The following L3MBTL4 variants were observed in gnomAD, a reference collection of about 807,000 sequenced individuals.
The protein encoded by L3MBTL4 is lethal(3)malignant brain tumor-like protein 4.
In L3MBTL4, 70 loss-of-function variants were observed where a neutral mutation model predicts 84.5. The observed-to-expected ratio is 0.83, with a 90% CI of 0.68 to 1.01. The LOEUF (loss-of-function observed/expected upper bound fraction) is 1.01, where lower values mean the gene tolerates loss of function less well. Ranked by LOEUF, L3MBTL4 falls within the 50% of genes least tolerant of loss-of-function variation. The probability of loss-of-function intolerance (pLI) is 0.00; values close to 1 mark genes in which losing one functional copy is unlikely to be tolerated. For synonymous variants in L3MBTL4, 274 were observed against 259.8 expected (o/e 1.05, Z -0.52); for missense variants, 715 against 754.8 (o/e 0.95, Z 0.62).
intron 5 of L3MBTL4, among the ~76,000 whole-genome samples, chr18:6,250,431 G>T (rs1469628392): frequency 2.6e-5 from 4 of 152,172 alleles, no homozygotes; most frequent in Non-Finnish European, 5.9e-5. Context: ...GCTTTGTCAT[G>T]ATTATTTTGT....
At chr18:6,351,642 C>T (rs2053195987) in intron 1 of L3MBTL4, among the ~76,000 whole-genome samples, 1 of 152,098 alleles carries the variant, frequency 6.6e-6, no homozygotes, top group Non-Finnish European at 1.5e-5. Flanking sequence ...AGCTCCGCCT[C>T]CCGGGTTCAC....
At chr18:6,018,542 T>C (rs1386046971) in intron 16 of L3MBTL4, among the ~76,000 whole-genome samples, 1 of 152,198 alleles carries the variant, frequency 6.6e-6, no homozygotes, top group Non-Finnish European at 1.5e-5. Flanking sequence ...TGGCATCAGC[T>C]ACATCCAGAA....
chr18:6,043,982 T>C (rs2056511521), intron 16 of L3MBTL4, among the ~76,000 whole-genome samples: 1 of 152,186 alleles, frequency 6.6e-6, no homozygotes, highest in Admixed American at 6.5e-5. Flanking sequence ...GAAATTCAGT[T>C]TTGCACACAG....
intron 16 of L3MBTL4, among the ~76,000 whole-genome samples, chr18:6,011,320 A>C (rs2054725672): frequency 6.6e-6 from 1 of 152,218 alleles, no homozygotes; most frequent in Admixed American, 6.5e-5. Flanking sequence ...AAACAATAAA[A>C]AAAAAGGATC....
intron 12 of L3MBTL4, among the ~76,000 whole-genome samples, chr18:6,195,059 G>T (rs996841174): frequency 6.6e-6 from 1 of 152,184 alleles, no homozygotes; most frequent in Non-Finnish European, 1.5e-5. Context: ...GCCCATAAGT[G>T]TAAAGTTTCT....
intron 16 of L3MBTL4, among the ~76,000 whole-genome samples, chr18:6,024,146 G>A (rs1446347619): frequency 6.6e-6 from 1 of 152,132 alleles, no homozygotes; most frequent in Non-Finnish European, 1.5e-5. Flanking sequence ...CAAAGTGCTG[G>A]GATTACAGGT....
intron 18 of L3MBTL4, among the ~76,000 whole-genome samples, chr18:5,959,020 CG>C (rs2095248751): frequency 6.6e-6 from 1 of 152,178 alleles, no homozygotes; most frequent in Non-Finnish European, 1.5e-5. Flanking sequence ...CAGAGCCAGG[CG>C]AACCCCACAG....
intron 1 of L3MBTL4, among the ~76,000 whole-genome samples, chr18:6,398,830 C>T (rs185878459): frequency 5.3e-5 from 8 of 152,188 alleles, no homozygotes; most frequent in Non-Finnish European, 8.8e-5. Flanking sequence ...AAGACATGCG[C>T]CCCAGGCACC....
At chr18:6,208,344 A>G (rs192045923) in intron 12 of L3MBTL4, among the ~76,000 whole-genome samples, 22 of 152,302 alleles carry the variant, frequency 1.4e-4, no homozygotes, top group African/African-American at 5.3e-4. Context: ...TTCTAGTTAC[A>G]TAACTAGACA....
chr18:6,195,450 G>A (rs892602848), intron 12 of L3MBTL4, among the ~76,000 whole-genome samples: 1 of 152,218 alleles, frequency 6.6e-6, no homozygotes, highest in Non-Finnish European at 1.5e-5. Flanking sequence ...TTTCTGTTCA[G>A]TGGTAGAGTT....
intron 17 of L3MBTL4, among the ~76,000 whole-genome samples, chr18:5,964,036 G>A (rs1365401227): frequency 1.3e-5 from 2 of 152,230 alleles, no homozygotes; most frequent in African/African-American, 2.4e-5. Flanking sequence ...TCTGGGCAGT[G>A]CCTGGTGGCA....
At chr18:6,314,536 A>G (rs1421793696) in intron 1 of L3MBTL4, among the ~76,000 whole-genome samples, 1 of 152,236 alleles carries the variant, frequency 6.6e-6, no homozygotes, top group Non-Finnish European at 1.5e-5. Context: ...ATAGTGTTTT[A>G]GATTTAAAAA....
At chr18:6,349,974 C>T (rs2053103183) in intron 1 of L3MBTL4, among the ~76,000 whole-genome samples, 1 of 152,176 alleles carries the variant, frequency 6.6e-6, no homozygotes, top group Non-Finnish European at 1.5e-5. Flanking sequence ...ATTATACATA[C>T]ATTTGTGTAT....
chr18:6,197,727 G>A (rs1279236075), intron 12 of L3MBTL4, among the ~76,000 whole-genome samples: 7 of 152,204 alleles, frequency 4.6e-5, no homozygotes, highest in African/African-American at 1.7e-4. Context: ...CTGTGTAGCT[G>A]CAGACTGTCT....
intron 1 of L3MBTL4, among the ~76,000 whole-genome samples, chr18:6,370,685 T>C (rs1037509193): frequency 5.1e-4 from 78 of 151,862 alleles, no homozygotes; most frequent in Non-Finnish European, 5.0e-4. Context: ...TGGTGAAGAG[T>C]CCTCCCTGTT....
intron 16 of L3MBTL4, among the ~76,000 whole-genome samples, chr18:6,025,995 G>A (rs1253585083): frequency 2.0e-5 from 3 of 152,190 alleles, no homozygotes; most frequent in Non-Finnish European, 4.4e-5. Context: ...ATGGCTGTTA[G>A]GGTAAAAAAT....
chr18:6,174,882 A>T (rs2044155452), intron 12 of L3MBTL4, among the ~76,000 whole-genome samples: 1 of 151,198 alleles, frequency 6.6e-6, no homozygotes, highest in African/African-American at 2.4e-5. Context: ...AAAAAAAAAA[A>T]GATGATACAA....
intron 1 of L3MBTL4, among the ~76,000 whole-genome samples, chr18:6,362,544 T>A (rs2053753948): frequency 6.6e-6 from 1 of 152,178 alleles, no homozygotes; most frequent in South Asian, 2.1e-4. Context: ...TTCTACCACA[T>A]CCCTGTGAAG....
At chr18:6,347,261 A>G (rs1025417635) in intron 1 of L3MBTL4, among the ~76,000 whole-genome samples, 2 of 152,034 alleles carry the variant, frequency 1.3e-5, no homozygotes, top group African/African-American at 4.8e-5. Context: ...ACAGTATAGT[A>G]GCATTAGCTA....
Sources: gnomAD v4.1 joint callset for allele counts (sites outside exome capture counted in the v4.1 genomes callset) on GRCh38, gnomAD v4.1.1 for gene constraint, MANE v1.5 for transcripts, NCBI Gene and HGNC (gene_info 2026-07-23, HGNC 2026-07-21) for gene names.